RASSF3: variants seen among roughly 807,000 people sequenced by gnomAD.
RASSF3 encodes Ras association domain family member 3.
RASSF3 carries 19 observed loss-of-function variants against 19.9 expected under a neutral mutation model. That is an observed-to-expected ratio of 0.96 (90% CI 0.67 to 1.40). The LOEUF (loss-of-function observed/expected upper bound fraction) is 1.40, where lower values mean the gene tolerates loss of function less well. Ranked by LOEUF, RASSF3 falls within the 40% of genes most tolerant of loss-of-function variation. The probability of loss-of-function intolerance (pLI) is 0.00; values close to 1 mark genes in which losing one functional copy is unlikely to be tolerated. For synonymous variants in RASSF3, 110 were observed against 104.2 expected, an observed-to-expected ratio of 1.06 and a Z score of -0.34; for missense variants, 306 against 289.8, an observed-to-expected ratio of 1.06 and a Z score of -0.41.
chr12:64,650,491 C>A (rs1226459457), intron 1 of RASSF3, among the ~76,000 whole-genome samples: 1 of 136,774 alleles, frequency 7.3e-6, no homozygotes, highest in Non-Finnish European at 1.5e-5. Context: ...TCTGGGTTCA[C>A]TGCAACCTCT....
intron 1 of RASSF3, among the ~76,000 whole-genome samples, chr12:64,680,195 C>A (rs906283571): frequency 1.3e-5 from 2 of 151,926 alleles, no homozygotes; most frequent in African/African-American, 4.8e-5. Context: ...TGTGAGGGGA[C>A]GGGAGGGTCT....
intron 1 of RASSF3, among the ~76,000 whole-genome samples, chr12:64,653,286 C>T (rs1872030019): frequency 6.6e-6 from 1 of 152,102 alleles, no homozygotes; most frequent in Admixed American, 6.5e-5. Flanking sequence ...CACTGTATTG[C>T]CCTGGCTGGT....
downstream of RASSF3, among the ~76,000 whole-genome samples, chr12:64,546,091 G>A (rs1869048232): frequency 1.4e-5 from 1 of 71,482 alleles, no homozygotes; most frequent in African/African-American, 6.8e-5. Context: ...GCAAGACTCC[G>A]TCTCAAAAAA....
At chr12:64,638,038 G>T (rs1416878608) in intron 1 of RASSF3, among the ~76,000 whole-genome samples, 1 of 151,804 alleles carries the variant, frequency 6.6e-6, no homozygotes, top group Non-Finnish European at 1.5e-5. Flanking sequence ...CACCATGTTG[G>T]CCAGGATGGT....
In RASSF3 at chr12:64,694,822, A is replaced by T. The variant is rs747505496; in HGVS notation, c.627A>T (p.Glu209Asp). The change falls in exon 5 of 5, where the codon GAA (glutamate) becomes GAT (aspartate). Residue 209 changes from glutamate to aspartate, a missense_variant. Coordinates refer to ENST00000542104, the MANE Select transcript of RASSF3 (RefSeq NM_178169.4). ...TCTTGCGCATCTTGGACAAGGAAGA[A>T]GATGAACAGCTGCAGAACCTGAAGA... Reference protein sequence around the residue: ...QNFLRILDKEEDEQLQNLKRR... With the variant: ...QNFLRILDKEDDEQLQNLKRR... 5.8e-5 allele frequency: 93 copies of T among 1,614,256 alleles called. No individual in the cohort carries two copies. Among genetic ancestry groups the T allele is most frequent in the Non-Finnish European group, 7.9e-5 (93 of 1,180,030 alleles).
At chr12:64,681,373 G>C (rs2136216195) in intron 1 of RASSF3, among the ~76,000 whole-genome samples, 1 of 152,330 alleles carries the variant, frequency 6.6e-6, no homozygotes, top group Non-Finnish European at 1.5e-5. Flanking sequence ...TAGAGGAGGT[G>C]ATTGACTCTA....
intron 2 of RASSF3, among the ~76,000 whole-genome samples, chr12:64,554,116 A>G (rs1224276881): frequency 6.6e-6 from 1 of 152,188 alleles, no homozygotes; most frequent in African/African-American, 2.4e-5. Context: ...ACACAACAGA[A>G]CACATTCTTC....
intron 1 of RASSF3, among the ~76,000 whole-genome samples, chr12:64,683,814 C>T (rs1228021457): frequency 6.6e-6 from 1 of 152,148 alleles, no homozygotes; most frequent in Non-Finnish European, 1.5e-5. Context: ...TTAGCAATGA[C>T]AGTTTTGCAG....
intron 1 of RASSF3, among the ~76,000 whole-genome samples, chr12:64,681,505 A>C (rs1223614263): frequency 6.6e-6 from 1 of 152,198 alleles, no homozygotes; most frequent in Admixed American, 6.5e-5. Flanking sequence ...CACTTTCTGC[A>C]ACACCCCTTT....
chr12:64,608,176 C>G (rs1444102333), upstream of RASSF3, among the ~76,000 whole-genome samples: 1 of 151,956 alleles, frequency 6.6e-6, no homozygotes, highest in Non-Finnish European at 1.5e-5. Context: ...ACCTCAGCTT[C>G]CCCCTGTGCC....
intron 2 of RASSF3, among the ~76,000 whole-genome samples, chr12:64,579,086 C>T (rs1036319971): frequency 3.3e-5 from 5 of 151,368 alleles, no homozygotes; most frequent in Admixed American, 6.6e-5. Flanking sequence ...GAGATTGAGC[C>T]GTTGCACTCC....
chr12:64,543,416 C>CCCGCTCCCCCCCCCCCCCCCCCCCCCCT (rs1346291399), downstream of RASSF3, among the ~76,000 whole-genome samples: 1 of 95,930 alleles, frequency 1.0e-5, no homozygotes. Context: ...AGTTTCCCGC[C>CCCGCTCCCCCCCCCCCCCCCCCCCCCCT]CCCCGGCTCC....
At chr12:64,512,181 C>T (rs2136098179) in intron 1 of RASSF3, among the ~76,000 whole-genome samples, 1 of 152,336 alleles carries the variant, frequency 6.6e-6, no homozygotes, top group African/African-American at 2.4e-5. Flanking sequence ...AACACTCTAG[C>T]ATGGATGCTC....
intron 1 of RASSF3, among the ~76,000 whole-genome samples, chr12:64,645,453 G>C (rs1407422427): frequency 1.3e-5 from 2 of 152,018 alleles, no homozygotes; most frequent in Non-Finnish European, 2.9e-5. Flanking sequence ...TGGGAGGATG[G>C]TTTGAAGCCA....
chr12:64,533,629 C>T (rs1025544255), intron 1 of RASSF3: 1 of 152,176 alleles, frequency 6.6e-6, no homozygotes, highest in South Asian at 2.1e-4. Flanking sequence ...TTTCTATTAC[C>T]GGACAGCTCA....
chr12:64,523,179 G>A (rs1868513958), intron 1 of RASSF3, among the ~76,000 whole-genome samples: 1 of 152,198 alleles, frequency 6.6e-6, no homozygotes, highest in African/African-American at 2.4e-5. Context: ...ACTGAGGCAG[G>A]CAGATCACCT....
intron 2 of RASSF3, among the ~76,000 whole-genome samples, chr12:64,551,989 A>G (rs7966390): frequency 3.0e-4 from 45 of 152,206 alleles, no homozygotes; most frequent in African/African-American, 1.1e-3. Context: ...AGCTTTCCAA[A>G]AGCCATCAGA....
At chr12:64,547,097 C>T (rs535603190) in intron 2 of RASSF3, among the ~76,000 whole-genome samples, 2 of 151,970 alleles carry the variant, frequency 1.3e-5, no homozygotes, top group South Asian at 4.2e-4. Context: ...ACATGGTGAA[C>T]CCCGTCTCTA....
intron 1 of RASSF3, among the ~76,000 whole-genome samples, chr12:64,541,045 A>G (rs1868925467): frequency 6.9e-6 from 1 of 144,734 alleles, no homozygotes; most frequent in Non-Finnish European, 1.5e-5. Context: ...TAATCCTAGC[A>G]CTTTGGGATT....
Sources: gnomAD v4.1 joint callset for allele counts (sites outside exome capture counted in the v4.1 genomes callset) on GRCh38, gnomAD v4.1.1 for gene constraint, MANE v1.5 for transcripts, NCBI Gene and HGNC (gene_info 2026-07-23, HGNC 2026-07-21) for gene names.